The following TRIM66 variants were observed in gnomAD, a reference collection of about 807,000 sequenced individuals.
TRIM66 encodes tripartite motif-containing protein 66.
Under a neutral mutation model 148.2 loss-of-function variants are expected in TRIM66, and 99 were observed. That is an observed-to-expected ratio of 0.67 (90% CI 0.57 to 0.79). The LOEUF (loss-of-function observed/expected upper bound fraction) is 0.79. TRIM66 is among the 30% of genes least tolerant of loss of function. TRIM66 has a pLI of 0.00. For synonymous variants in TRIM66, 616 were observed against 635.9 expected, an observed-to-expected ratio of 0.97 and a Z score of 0.47; for missense variants, 1,666 against 1,697.9, an observed-to-expected ratio of 0.98 and a Z score of 0.33.
rs996133080 is a variant in TRIM66 at position 8,641,148 on chromosome 11, G to A, written c.1227C>T (p.Cys409=). 1.3e-6 allele frequency: 2 copies of A among 1,547,670 alleles called. No homozygotes were observed. The highest frequency in any genetic ancestry group is 1.7e-4 in the Middle Eastern group (1 of 5,958). The change falls in exon 14 of 25, where the codon TGC becomes TGT. Residue 409 remains cysteine (C), a synonymous_variant. Coordinates refer to ENST00000646038, the MANE Select transcript of TRIM66 (RefSeq NM_001388022.1). The stretch of plus-strand genomic sequence containing the variant: ...ACATTTGTCCACCTTCAGTAGTTAT[G>A]CAGCCTGAAAATGCAGAATAGAGAG... ...FWTKQLASLG[C]ITTEGGQMSR...
At chr11:8,670,017 A>AT (rs534807233) in intron 6 of TRIM66, among the ~76,000 whole-genome samples, 19,710 of 141,510 alleles carry the variant, frequency 0.14, 1,566 homozygotes, top group East Asian at 0.25. Context: ...GTTTTTATTT[A>AT]TTTTTTTTTT....
intron 10 of TRIM66, among the ~76,000 whole-genome samples, chr11:8,646,824 C>A (rs1592124907): frequency 6.6e-6 from 1 of 152,056 alleles, no homozygotes; most frequent in Non-Finnish European, 1.5e-5. Flanking sequence ...GTTGACACAG[C>A]ACTAGAGGTA....
intron 6 of TRIM66, among the ~76,000 whole-genome samples, chr11:8,659,653 C>G (rs1179088666): frequency 6.6e-6 from 1 of 152,136 alleles, no homozygotes; most frequent in Admixed American, 6.5e-5. Flanking sequence ...CTGAATCTAC[C>G]AAACCCAAAT....
At chr11:8,622,695 A>G in intron 18 of TRIM66, 121 bp downstream of exon 18, 1 of 853,798 alleles carries the variant, frequency 1.2e-6, no homozygotes, top group Non-Finnish European at 1.9e-6. Flanking sequence ...GGGTTGAGGA[A>G]GGCAGTTGCA....
intron 24 of TRIM66, among the ~76,000 whole-genome samples, chr11:8,618,214 G>A (rs1591990942): frequency 1.3e-5 from 2 of 152,208 alleles, no homozygotes; most frequent in East Asian, 3.9e-4. Flanking sequence ...CACACAGTAG[G>A]CAGGCAAAAT....
At chr11:8,682,787 C>T (rs756599253), upstream of TRIM66, 12 of 1,613,432 alleles carry the variant, frequency 7.4e-6, no homozygotes, top group East Asian at 4.5e-5. Flanking sequence ...TTGGCGAAGG[C>T]CTTCCTTTTT....
In TRIM66 at chr11:8,647,922, G is replaced by A. The variant is rs1327510293; in HGVS notation, c.842+48C>T. ...GGCCTGGTGTTGGAACCCTGGGTGT[G>A]CGGGAACAGAGCATTTCCAGCACTG... On this transcript the variant is annotated intron_variant, in intron 10 of 24. Coordinates refer to ENST00000646038, the MANE Select transcript of TRIM66 (RefSeq NM_001388022.1). The A allele has an allele frequency of 4.2e-6, 6 of 1,436,364 alleles. No individual in the cohort carries two copies. In the East Asian group the frequency reaches 1.5e-4, roughly 36 times the overall value. 89.0% of individuals were successfully genotyped at this position (1,436,364 alleles called of 1,614,324 possible). A position where few individuals can be genotyped will look rare whatever the true frequency, so the allele number is the denominator to read the frequency against.
chr11:8,618,976 GGGA>G lies in TRIM66; in HGVS notation c.3901-11_3901-9del. 6.4e-7 allele frequency: 1 copy of G among 1,550,860 alleles called. No homozygotes were observed. Among genetic ancestry groups the G allele is most frequent in the Non-Finnish European group, 8.7e-7 (1 of 1,146,478 alleles). ...TGCAACCTCGGAGTCAGGCTGATGG[GGGA>G]GGAGAGCAGTGATGGTCTAGCCTGT... On this transcript the variant is annotated splice_polypyrimidine_tract_variant and intron_variant, in intron 23 of 24. Transcript: ENST00000646038.
rs1460213415 is a variant in TRIM66 at position 8,615,852 on chromosome 11, G to A, written c.*2092C>T. 1 of 152,152 alleles carries A rather than the reference G, an allele frequency of 6.6e-6. No individual in the cohort carries two copies. Among genetic ancestry groups the A allele is most frequent in the Non-Finnish European group, 1.5e-5 (1 of 68,054 alleles). 9.4% of individuals were successfully genotyped at this position (152,152 alleles called of 1,614,324 possible). A position where few individuals can be genotyped will look rare whatever the true frequency, so the allele number is the denominator to read the frequency against. Reference sequence around the variant, plus strand: ...ATTTGTGGTCTCCAATTGCTCCTGAGGAAGGATCAGGTCTGAGCCTGTCAC... The same window carrying A: ...ATTTGTGGTCTCCAATTGCTCCTGAAGAAGGATCAGGTCTGAGCCTGTCAC... On this transcript the variant is annotated 3_prime_UTR_variant, in exon 25 of 25. Coordinates refer to ENST00000646038, the MANE Select transcript of TRIM66 (RefSeq NM_001388022.1).
intron 10 of TRIM66, 138 bp downstream of exon 10, chr11:8,647,832 G>T: frequency 1.4e-6 from 1 of 703,356 alleles, no homozygotes; most frequent in Non-Finnish European, 2.4e-6. Flanking sequence ...CAAGACATAT[G>T]CCTTCTAGGA....
intron 4 of TRIM66, among the ~76,000 whole-genome samples, chr11:8,673,289 T>C (rs2039031100): frequency 6.6e-6 from 1 of 152,176 alleles, no homozygotes; most frequent in South Asian, 2.1e-4. Context: ...TCATGAGTTC[T>C]GTCCACTAAT....
intron 15 of TRIM66, among the ~76,000 whole-genome samples, chr11:8,630,790 A>C (rs2035320082): frequency 6.6e-6 from 1 of 152,116 alleles, no homozygotes; most frequent in African/African-American, 2.4e-5. Flanking sequence ...TATTAATTTA[A>C]TGGATTCAGT....
intron 21 of TRIM66, 64 bp from the exon 22 acceptor site, chr11:8,620,188 A>C: frequency 6.8e-7 from 1 of 1,465,630 alleles, no homozygotes; most frequent in Non-Finnish European, 9.3e-7. Flanking sequence ...TGAACTAAAG[A>C]TGTTGACCCT....
intron 14 of TRIM66, among the ~76,000 whole-genome samples, chr11:8,639,390 C>G (rs911665916): frequency 1.3e-5 from 2 of 152,158 alleles, no homozygotes; most frequent in Admixed American, 6.5e-5. Context: ...AAAAGAAAAT[C>G]AAGAGCTAAG....
chr11:8,682,787 C>G (rs756599253), upstream of TRIM66: 1 of 1,613,432 alleles, frequency 6.2e-7, no homozygotes, highest in African/African-American at 1.3e-5. Context: ...TTGGCGAAGG[C>G]CTTCCTTTTT....
intron 15 of TRIM66, among the ~76,000 whole-genome samples, chr11:8,628,391 T>A (rs1286001338): frequency 4.6e-5 from 7 of 151,964 alleles, no homozygotes; most frequent in Non-Finnish European, 5.9e-5. Context: ...GGCGGGAAGA[T>A]CGCTTGAGCC....
At chr11:8,665,117 A>T (rs979105858) in intron 6 of TRIM66, among the ~76,000 whole-genome samples, 4 of 138,052 alleles carry the variant, frequency 2.9e-5, no homozygotes, top group East Asian at 2.0e-4. Flanking sequence ...ATTTTACTTT[A>T]AAAAAAAAAA....
intron 7 of TRIM66, among the ~76,000 whole-genome samples, chr11:8,650,738 T>C (rs538619466): frequency 2.0e-5 from 3 of 152,232 alleles, no homozygotes; most frequent in East Asian, 1.9e-4. Flanking sequence ...GGAAAGGTTT[T>C]ACAAAAAGGA....
chr11:8,644,416 CTTA>C (rs1264027236), intron 12 of TRIM66: 1 of 454,530 alleles, frequency 2.2e-6, no homozygotes, highest in East Asian at 7.0e-5. Flanking sequence ...TTTTAACCCT[CTTA>C]TTATCACCTC....
Sources: gnomAD v4.1 joint callset for allele counts (sites outside exome capture counted in the v4.1 genomes callset) on GRCh38, gnomAD v4.1.1 for gene constraint, MANE v1.5 for transcripts, NCBI Gene and HGNC (gene_info 2026-07-23, HGNC 2026-07-21) for gene names.